SF3B2: variants seen among roughly 807,000 people sequenced by gnomAD.
SF3B2 encodes the protein SAP 145.
Under a neutral mutation model 116.3 loss-of-function variants are expected in SF3B2, and 22 were observed. The ratio of observed to expected loss-of-function variants is 0.19; its 90% confidence interval spans 0.14 to 0.27. The LOEUF is 0.27. Among genes scored for constraint, SF3B2 ranks in the 10% least tolerant of loss-of-function variants. SF3B2 has a pLI of 1.00. For missense variants in SF3B2, 767 were observed against 1,151.4 expected (o/e 0.67, Z 4.83); for synonymous variants, 406 against 421.6 (o/e 0.96, Z 0.45).
rs778867879 is a variant in SF3B2, at chr11:66,068,341, C to A, written c.2616+8C>A. The A allele has an allele frequency of 6.3e-7, 1 of 1,599,274 alleles. No individual in the cohort carries two copies. The highest frequency in any genetic ancestry group is 1.1e-5 in the South Asian group (1 of 89,022). On this transcript the variant is annotated splice_region_variant and intron_variant, in intron 21 of 21. Coordinates refer to ENST00000322535, the MANE Select transcript of SF3B2 (RefSeq NM_006842.3). ...CACGCTGCCAAACAGAAGGTAGGCG[C>A]TTCCAGGGGCGCTGGGCTGGGTGAG...
chr11:66,065,857 A>G (rs1268340930), intron 19 of SF3B2: 1 of 152,100 alleles, frequency 6.6e-6, no homozygotes, highest in Non-Finnish European at 1.5e-5. Context: ...CAGTTATAAC[A>G]ATATTTTATT....
chr11:66,054,532 C>G (rs1258181977), intron 3 of SF3B2, among the ~76,000 whole-genome samples: 1 of 152,022 alleles, frequency 6.6e-6, no homozygotes, highest in Non-Finnish European at 1.5e-5. Flanking sequence ...TGTCCTTACC[C>G]AGCTGGAAGC....
In SF3B2 at chr11:66,057,927, G is replaced by A. The variant is rs375212040; in HGVS notation, c.778-127G>A. On this transcript the variant is annotated intron_variant, in intron 7 of 21. Coordinates refer to ENST00000322535, the MANE Select transcript of SF3B2 (RefSeq NM_006842.3). ...GCGGAGGTTGTGGTGGGCCGAGATC[G>A]CGCCATTGCACTCCAGCCTGGGCAA... 221 of 671,148 alleles carry A rather than the reference G, an allele frequency of 3.3e-4. 2 individuals carry two copies. The African/African-American group carries it at 3.5e-3, about 11-fold the overall frequency. 41.6% of individuals were successfully genotyped at this position (671,148 alleles called of 1,614,324 possible). A position where few individuals can be genotyped will look rare whatever the true frequency, so the allele number is the denominator to read the frequency against.
intron 19 of SF3B2, 44 bp from the exon 20 acceptor site, chr11:66,067,902 T>C: frequency 6.5e-7 from 1 of 1,543,684 alleles, no homozygotes. Flanking sequence ...CTGGAGACCC[T>C]TTTGTCCCTT....
At chr11:66,061,819 T>TG (rs757640134) in intron 15 of SF3B2, 44 bp downstream of exon 15, 2 of 1,605,618 alleles carry the variant, frequency 1.2e-6, no homozygotes, top group Non-Finnish European at 1.7e-6. Flanking sequence ...AAGAGGCTGG[T>TG]GGGGATTGGA....
chr11:66,056,399 C>CAAAAAA (rs34575917), intron 5 of SF3B2, among the ~76,000 whole-genome samples: 1 of 52,164 alleles, frequency 1.9e-5, no homozygotes, highest in Non-Finnish European at 3.6e-5. Context: ...GACTCTGTCT[C>CAAAAAA]AAAAAAAAAA....
chr11:66,052,394 G>T lies in SF3B2; in HGVS notation c.10G>T (p.Glu4Ter). The change falls in exon 1 of 22, where the codon GAG (glutamate) becomes TAG (stop). Residue 4 changes from glutamate (E) to a stop codon, truncating the protein, a stop_gained. Coordinates refer to ENST00000322535, the MANE Select transcript of SF3B2 (RefSeq NM_006842.3). LOFTEE classifies it high-confidence loss of function. MAT[E>*]HPEPPKAELQ... ...CCTTCCTGCGGCTAAGATGGCGACG[G>T]AGCATCCCGAGCCTCCCAAAGCAGA... 6.2e-7 allele frequency: 1 copy of T among 1,611,036 alleles called. No homozygotes were observed. The highest frequency in any genetic ancestry group is 1.1e-5 in the South Asian group (1 of 90,960).
intron 6 of SF3B2, 64 bp downstream of exon 6, chr11:66,057,019 T>C: frequency 8.1e-7 from 1 of 1,227,438 alleles, no homozygotes; most frequent in Admixed American, 1.7e-5. Flanking sequence ...AAAAGACTTT[T>C]AAGGTATCTA....
In SF3B2 at chr11:66,052,402, C is replaced by T. The variant is rs757843246; in HGVS notation, c.18C>T (p.Pro6=). ...CGGCTAAGATGGCGACGGAGCATCC[C>T]GAGCCTCCCAAAGCAGAATTGCAGC... is the stretch of plus-strand genomic sequence containing the variant. MATEH[P]EPPKAELQLP... Residue 6 remains proline (P), a synonymous_variant, in exon 1 of 22, where the codon CCC becomes CCT. Transcript: ENST00000322535. 12 of 1,612,022 alleles carry T rather than the reference C, an allele frequency of 7.4e-6. No individual in the cohort carries two copies. The highest frequency in any genetic ancestry group is 3.3e-5 in the Admixed American group (2 of 59,986).
At chr11:66,053,171 A>AT (rs1856920045) in intron 3 of SF3B2, 67 bp downstream of exon 3, 2 of 1,443,796 alleles carry the variant, frequency 1.4e-6, no homozygotes, top group South Asian at 2.3e-5. Flanking sequence ...GAGCATGATG[A>AT]TTGGGTGTTC....
intron 19 of SF3B2, among the ~76,000 whole-genome samples, chr11:66,064,050 T>A (rs1338996644): frequency 6.6e-6 from 1 of 152,138 alleles, no homozygotes; most frequent in African/African-American, 2.4e-5. Context: ...AGCCACAGGA[T>A]CATCTGGGTC....
At chr11:66,057,181 C>T in intron 6 of SF3B2, 85 bp from the exon 7 acceptor site, 1 of 968,846 alleles carries the variant, frequency 1.0e-6, no homozygotes, top group Non-Finnish European at 1.7e-6. Context: ...TGCAGGTTTA[C>T]CATCACCCTT....
chr11:66,067,341 G>C (rs1429609274), intron 19 of SF3B2: 4 of 452,526 alleles, frequency 8.8e-6, no homozygotes, highest in Non-Finnish European at 1.8e-5. Context: ...TTTGAGCAAA[G>C]GTCTGACAGG....
chr11:66,063,371 T>C (rs764622131), intron 17 of SF3B2, 29 bp from the exon 18 acceptor site: 2 of 1,591,290 alleles, frequency 1.3e-6, no homozygotes, highest in Non-Finnish European at 8.6e-7. Context: ...TAGAAAACAT[T>C]TGTTGAATGA....
rs960834425 is a variant in SF3B2 at position 66,068,779 on chromosome 11, G to A, written c.*34G>A. On this transcript the variant is annotated 3_prime_UTR_variant, in exon 22 of 22. Transcript: ENST00000322535. Reference sequence around the variant, plus strand: ...ACACTAGCCCTTTTTTTGGCCCTACGTCTGGATGCCTGGGCTTCACACAAG... The same window carrying A: ...ACACTAGCCCTTTTTTTGGCCCTACATCTGGATGCCTGGGCTTCACACAAG... 1.3e-6 allele frequency: 2 copies of A among 1,551,670 alleles called. No individual in the cohort carries two copies. Among genetic ancestry groups the A allele is most frequent in the South Asian group, 2.2e-5 (2 of 89,652 alleles).
rs754970204 is a variant in SF3B2, at chr11:66,053,060, G to C, written c.214G>C (p.Gly72Arg). 1 of 1,614,152 alleles carries C rather than the reference G, an allele frequency of 6.2e-7. No homozygotes were observed. Among genetic ancestry groups the C allele is most frequent in the East Asian group, 2.2e-5 (1 of 44,878 alleles). The change falls in exon 3 of 22, where the codon GGG (glycine) becomes CGG (arginine). Residue 72 changes from glycine to arginine, a missense_variant. Gly to Arg is a moderately radical substitution (Grantham distance 125, BLOSUM62 -2). This residue lies in a region of SF3B2 where 455 missense variants were observed against 537.5 expected (regional missense o/e 0.85). Transcript: ENST00000322535. ...GIVLNRPVLR[G>R]EDGDKAAPPP... ...CGTGCTGAATCGGCCGGTTTTGAGA[G>C]GGGAAGATGGGGACAAAGCCGCTCC... is the stretch of plus-strand genomic sequence containing the variant.
Position 66,053,310 on chromosome 11 carries a change from A to G in SF3B2, c.258+206A>G. ...AGTTGTTGGGCAGGGAGGTACTGCC[A>G]TGACAGAATTGTGAGCTCTTCAGTT... On this transcript the variant is annotated intron_variant, in intron 3 of 21. Transcript: ENST00000322535. 5.1e-6 allele frequency: 3 copies of G among 591,130 alleles called. No individual in the cohort carries two copies. The South Asian group carries it at 5.8e-5, about 11-fold the overall frequency. The allele number at this position is 591,130 out of a possible 1,614,324, so 36.6% of individuals were successfully genotyped here. A position where few individuals can be genotyped will look rare whatever the true frequency, so the allele number is the denominator to read the frequency against.
intron 5 of SF3B2, chr11:66,055,861 C>T (rs764957203): frequency 2.2e-6 from 1 of 445,380 alleles, no homozygotes; most frequent in Non-Finnish European, 3.9e-6. Flanking sequence ...AGAGTCTGTA[C>T]AGCAACCCAT....
Position 66,052,436 on chromosome 11 carries a change from C to T in SF3B2, c.52C>T (p.Pro18Ser). The T allele has an allele frequency of 6.2e-7, 1 of 1,613,482 alleles. No homozygotes were observed. The change falls in exon 1 of 22, where the codon CCG becomes TCG. Residue 18 changes from proline to serine, a missense_variant. Pro to Ser is a moderately conservative substitution (Grantham distance 74). Transcript: ENST00000322535. ...PPKAELQLPPPPPPGHYGAWA... is the reference protein window; with the variant it reads ...PPKAELQLPPSPPPGHYGAWA... ...CAAAGCAGAATTGCAGCTGCCGCCGCCGCCACCTCCAGGCCACTATGGCGC... is the reference window on the plus strand; with the variant it reads ...CAAAGCAGAATTGCAGCTGCCGCCGTCGCCACCTCCAGGCCACTATGGCGC...
Sources: allele counts gnomAD v4.1 joint callset (sites outside exome capture counted in the v4.1 genomes callset), GRCh38; gene constraint gnomAD v4.1.1; regional missense constraint gnomAD v4.1.1; transcripts MANE v1.5; gene names NCBI Gene and HGNC (gene_info 2026-07-23, HGNC 2026-07-21).